The following FRMD3 variants were observed in gnomAD, a reference collection of about 807,000 sequenced individuals.
FRMD3 encodes the protein FERM domain-containing protein 3.
Under a neutral mutation model 70.2 loss-of-function variants are expected in FRMD3, and 33 were observed. The ratio of observed to expected loss-of-function variants is 0.47; its 90% CI spans 0.36 to 0.63. The LOEUF is 0.63. Among genes scored for constraint, FRMD3 ranks in the 20% least tolerant of loss-of-function variants. The pLI is 0.00. For synonymous variants in FRMD3, 279 were observed against 255.9 expected, an observed-to-expected ratio of 1.09 and a Z score of -0.86; for missense variants, 632 against 711.4, an observed-to-expected ratio of 0.89 and a Z score of 1.27.
At chr9:83,272,427 G>T (rs1833597309) in intron 13 of FRMD3, among the ~76,000 whole-genome samples, 1 of 152,038 alleles carries the variant, frequency 6.6e-6, no homozygotes, top group Admixed American at 6.6e-5. Flanking sequence ...GCCCAGGCTG[G>T]AGTGCAGTGG....
chr9:83,568,184 C>A, the FRMD3 span, among the ~76,000 whole-genome samples: 4 of 152,114 alleles, frequency 2.6e-5, no homozygotes, highest in East Asian at 7.8e-4. Context: ...GATAAACCCA[C>A]CAGATCTCAT....
chr9:83,416,860 G>A (rs1177145673), intron 1 of FRMD3, among the ~76,000 whole-genome samples: 1 of 147,352 alleles, frequency 6.8e-6, no homozygotes, highest in Non-Finnish European at 1.5e-5. Flanking sequence ...TGTTCACTAT[G>A]TTGCTTCACA....
chr9:83,512,192 C>T (rs1344730662), intron 1 of FRMD3, among the ~76,000 whole-genome samples: 1 of 152,130 alleles, frequency 6.6e-6, no homozygotes, highest in Non-Finnish European at 1.5e-5. Flanking sequence ...CAGATTGCTG[C>T]TATTATTATT....
intron 1 of FRMD3, among the ~76,000 whole-genome samples, chr9:83,428,604 A>G (rs1826882786): frequency 6.6e-6 from 1 of 151,868 alleles, no homozygotes. Flanking sequence ...AATTATAATA[A>G]TTTTCATTAT....
intron 1 of FRMD3, among the ~76,000 whole-genome samples, chr9:83,486,023 T>C (rs1828682351): frequency 6.6e-6 from 1 of 152,018 alleles, no homozygotes; most frequent in South Asian, 2.1e-4. Context: ...TATGTATATA[T>C]AATACATCTA....
At chr9:83,265,235 C>G (rs983888879) in intron 13 of FRMD3, among the ~76,000 whole-genome samples, 1 of 151,660 alleles carries the variant, frequency 6.6e-6, no homozygotes, top group African/African-American at 2.4e-5. Flanking sequence ...CCCGTCTCTA[C>G]TAAAAATACA....
At chr9:83,315,852 C>A (rs1371745747) in intron 6 of FRMD3, among the ~76,000 whole-genome samples, 1 of 152,186 alleles carries the variant, frequency 6.6e-6, no homozygotes, top group African/African-American at 2.4e-5. Flanking sequence ...TGACTCAGCA[C>A]AAAGCAACCA....
intron 1 of FRMD3, among the ~76,000 whole-genome samples, chr9:83,509,236 A>C (rs1489983320): frequency 6.6e-6 from 1 of 152,206 alleles, no homozygotes; most frequent in Non-Finnish European, 1.5e-5. Flanking sequence ...CAGCAAACTC[A>C]GATGTTATAC....
At chr9:83,289,385 T>A (rs1335836891) in intron 13 of FRMD3, among the ~76,000 whole-genome samples, 1 of 152,246 alleles carries the variant, frequency 6.6e-6, no homozygotes, top group Non-Finnish European at 1.5e-5. Flanking sequence ...AAGTAGTGTC[T>A]TCTAAGATCC....
intron 1 of FRMD3, among the ~76,000 whole-genome samples, chr9:83,505,470 G>T (rs1443508694): frequency 6.6e-6 from 1 of 152,152 alleles, no homozygotes; most frequent in Non-Finnish European, 1.5e-5. Flanking sequence ...CTTACAGATG[G>T]GGGTGCTGAG....
chr9:83,351,267 T>C (rs1824145619), intron 3 of FRMD3, among the ~76,000 whole-genome samples: 1 of 148,222 alleles, frequency 6.7e-6, no homozygotes, highest in Non-Finnish European at 1.5e-5. Context: ...AGCATCTAAA[T>C]TACAAAAAAA....
intron 1 of FRMD3, among the ~76,000 whole-genome samples, chr9:83,394,158 A>T (rs755854691): frequency 6.6e-5 from 10 of 151,962 alleles, no homozygotes; most frequent in Non-Finnish European, 1.3e-4. Flanking sequence ...CCCATTTTTC[A>T]GACAATTTTT....
intron 1 of FRMD3, among the ~76,000 whole-genome samples, chr9:83,500,137 A>C (rs1829029633): frequency 6.6e-6 from 1 of 152,176 alleles, no homozygotes; most frequent in African/African-American, 2.4e-5. Context: ...GGGCAGAGAA[A>C]CTATCCTGTA....
intron 1 of FRMD3, among the ~76,000 whole-genome samples, chr9:83,525,008 C>T (rs1829655336): frequency 6.6e-6 from 1 of 152,020 alleles, no homozygotes; most frequent in African/African-American, 2.4e-5. Flanking sequence ...GGTGTTTGTC[C>T]TCTCTTCTAT....
chr9:83,309,259 TACACAC>T (rs3029557), intron 10 of FRMD3, among the ~76,000 whole-genome samples: 39,995 of 138,152 alleles, frequency 0.29, 5,876 homozygotes, highest in Non-Finnish European at 0.35. Context: ...CTATTTGAAA[TACACAC>T]ACACACACAC....
At position 83,299,221 on chromosome 9, in the gene FRMD3, A is replaced by T. The variant is rs750626841; in HGVS notation, c.927-35T>A. On this transcript the variant is annotated intron_variant, in intron 10 of 13. Coordinates refer to ENST00000304195, the MANE Select transcript of FRMD3 (RefSeq NM_174938.6). ...AAAGCAAAGCACAGGTGGTTAGGAC[A>T]TTGGAAAGTCCACTTACAACATGCT... 1.1e-5 allele frequency: 15 copies of T among 1,420,752 alleles called. No homozygotes were observed. The East Asian group carries it at 2.3e-4, about 22-fold the overall frequency. The allele number at this position is 1,420,752 out of a possible 1,614,324, so 88.0% of individuals were successfully genotyped here. A position where few individuals can be genotyped will look rare whatever the true frequency, so the allele number is the denominator to read the frequency against.
At chr9:83,446,054 C>T (rs1276631837) in intron 1 of FRMD3, among the ~76,000 whole-genome samples, 2 of 152,220 alleles carry the variant, frequency 1.3e-5, no homozygotes, top group African/African-American at 4.8e-5. Context: ...AGGTTAGTCA[C>T]TTGTCCCAAG....
At chr9:83,270,225 G>A (rs1339686336) in intron 13 of FRMD3, among the ~76,000 whole-genome samples, 2 of 152,382 alleles carry the variant, frequency 1.3e-5, no homozygotes, top group Admixed American at 1.3e-4. Flanking sequence ...AGAGGCCAAA[G>A]AAAGCAGAAG....
chr9:83,315,206 G>GC (rs1835519355), intron 6 of FRMD3, among the ~76,000 whole-genome samples: 1 of 152,124 alleles, frequency 6.6e-6, no homozygotes, highest in South Asian at 2.1e-4. Context: ...CTTGTTGGCT[G>GC]CATTAATGCT....
Sources: gnomAD v4.1 joint callset for allele counts (sites outside exome capture counted in the v4.1 genomes callset) on GRCh38, gnomAD v4.1.1 for gene constraint, MANE v1.5 for transcripts, NCBI Gene and HGNC (gene_info 2026-07-23, HGNC 2026-07-21) for gene names.